Variants in CCDC102B observed in about 807,000 individuals in gnomAD.
The protein encoded by CCDC102B is coiled-coil domain containing 102B.
CCDC102B carries 75 observed loss-of-function variants against 57.4 expected under a neutral mutation model. The ratio of observed to expected loss-of-function variants is 1.31; its 90% CI spans 1.08 to 1.58. The LOEUF is 1.58. CCDC102B is among the 40% of genes most tolerant of loss of function. CCDC102B has a pLI of 0.00. For synonymous variants in CCDC102B, 206 were observed against 201.9 expected (o/e 1.02, Z -0.17); for missense variants, 636 against 582.6 (o/e 1.09, Z -0.94).
intron 6 of CCDC102B, among the ~76,000 whole-genome samples, chr18:68,954,799 A>G (rs9956947): frequency 0.042 from 6,450 of 152,226 alleles, 290 homozygotes; most frequent in African/African-American, 0.11. Context: ...CTTTTTCCTT[A>G]ATGCCTGAAC....
chr18:69,036,042 G>T (rs771072895), intron 7 of CCDC102B, among the ~76,000 whole-genome samples: 24 of 152,172 alleles, frequency 1.6e-4, no homozygotes, highest in Non-Finnish European at 2.6e-4. Context: ...TCCATGGCAG[G>T]AGTTGGTCCT....
chr18:68,856,114 A>G (rs1246387861), intron 4 of CCDC102B, among the ~76,000 whole-genome samples: 1 of 152,176 alleles, frequency 6.6e-6, no homozygotes. Context: ...AAGTTAAATC[A>G]CATACTTTAA....
intron 2 of CCDC102B, among the ~76,000 whole-genome samples, chr18:68,792,675 C>T (rs1428055782): frequency 6.6e-6 from 1 of 152,176 alleles, no homozygotes; most frequent in Non-Finnish European, 1.5e-5. Context: ...CATACTTGAA[C>T]CGAGGCTTAG....
intron 7 of CCDC102B, among the ~76,000 whole-genome samples, chr18:69,019,518 TG>T (rs897150586): frequency 3.9e-5 from 6 of 152,046 alleles, no homozygotes; most frequent in Non-Finnish European, 7.4e-5. Context: ...TTTAATTTCT[TG>T]TTCAGATAGT....
chr18:68,791,247 A>C (rs1463182140), intron 2 of CCDC102B, among the ~76,000 whole-genome samples: 2 of 152,198 alleles, frequency 1.3e-5, no homozygotes, highest in African/African-American at 4.8e-5. Context: ...ATGTTGTAAA[A>C]TTAATGTTTT....
chr18:68,836,735 C>G lies in CCDC102B; in HGVS notation c.-15-14C>G. 8.9e-6 allele frequency: 14 copies of G among 1,575,434 alleles called. No individual in the cohort carries two copies. Among genetic ancestry groups the G allele is most frequent in the Non-Finnish European group, 1.2e-5 (14 of 1,161,358 alleles). On this transcript the variant is annotated splice_polypyrimidine_tract_variant and intron_variant, in intron 1 of 7. Transcript: ENST00000360242. ...AAATTTCAGCGTGAAATTATGGTCT[C>G]TATCTTTTCTCAGGTCTTAAAAATA...
intron 6 of CCDC102B, among the ~76,000 whole-genome samples, chr18:68,961,123 GT>G (rs1236276813): frequency 6.6e-5 from 10 of 151,896 alleles, no homozygotes; most frequent in African/African-American, 2.4e-4. Flanking sequence ...GATTTGTTTA[GT>G]TTTTATTGAA....
intron 5 of CCDC102B, 162 bp downstream of exon 5, chr18:68,874,947 GA>G: frequency 2.0e-6 from 1 of 493,768 alleles, no homozygotes; most frequent in Non-Finnish European, 3.7e-6. Flanking sequence ...AAAGGCTGTG[GA>G]ATGACATTGG....
intron 6 of CCDC102B, among the ~76,000 whole-genome samples, chr18:68,977,427 C>T (rs1424568231): frequency 1.3e-5 from 2 of 151,804 alleles, no homozygotes; most frequent in African/African-American, 4.8e-5. Context: ...TCCCCCATGC[C>T]CTGACAGGCC....
intron 6 of CCDC102B, among the ~76,000 whole-genome samples, chr18:68,922,031 G>A (rs1197744385): frequency 6.6e-6 from 1 of 152,062 alleles, no homozygotes; most frequent in Non-Finnish European, 1.5e-5. Context: ...ATTATCAACA[G>A]AATTCTGATC....
intron 1 of CCDC102B, among the ~76,000 whole-genome samples, chr18:68,804,669 A>G (rs1030377121): frequency 3.3e-5 from 5 of 152,130 alleles, no homozygotes; most frequent in African/African-American, 1.2e-4. Context: ...CAAGTAAAAC[A>G]GGAATTTCAG....
intron 6 of CCDC102B, among the ~76,000 whole-genome samples, chr18:68,967,116 G>T (rs2050183820): frequency 6.6e-6 from 1 of 152,068 alleles, no homozygotes; most frequent in Admixed American, 6.6e-5. Flanking sequence ...CCCAAACCAG[G>T]TTTACTTCTG....
intron 6 of CCDC102B, among the ~76,000 whole-genome samples, chr18:68,991,202 A>G (rs1205200043): frequency 6.9e-6 from 1 of 145,712 alleles, no homozygotes; most frequent in African/African-American, 2.5e-5. Context: ...ATACATGTCC[A>G]TTTATTTTCT....
chr18:68,877,845 A>G (rs12965651), intron 5 of CCDC102B, among the ~76,000 whole-genome samples: 41,128 of 152,136 alleles, frequency 0.27, 6,518 homozygotes, highest in Non-Finnish European at 0.36. Flanking sequence ...CATAAAAAGG[A>G]AAGGAAAGGG....
chr18:68,775,387 T>G (rs2034776773), intron 2 of CCDC102B, among the ~76,000 whole-genome samples: 1 of 152,140 alleles, frequency 6.6e-6, no homozygotes, highest in African/African-American at 2.4e-5. Context: ...GTGTTTGATT[T>G]AGATAAGATC....
chr18:69,011,863 A>T (rs1327677928), intron 7 of CCDC102B, among the ~76,000 whole-genome samples: 1 of 152,198 alleles, frequency 6.6e-6, no homozygotes, highest in Non-Finnish European at 1.5e-5. Context: ...ACAGTTGGAA[A>T]TAAAAAAATA....
chr18:68,902,005 G>C (rs2040471716), intron 6 of CCDC102B, among the ~76,000 whole-genome samples: 1 of 152,146 alleles, frequency 6.6e-6, no homozygotes, highest in African/African-American at 2.4e-5. Context: ...CTTCTATGAG[G>C]CTTCCAGGTG....
chr18:68,951,679 A>G lies in CCDC102B; in HGVS notation c.1263+54251A>G, dbSNP rs538616009. Among the ~76,000 whole-genome samples, 14 of 152,026 alleles carry G rather than the reference A, an allele frequency of 9.2e-5. No individual in the cohort carries two copies. In the East Asian group the frequency reaches 2.1e-3, roughly 23 times the overall value. Reference sequence around the variant, plus strand: ...AAAAATTAGCTGGGTGTGGTGTCACACATCTTTAATCTCAGCTGCTCGGGA... The same window carrying G: ...AAAAATTAGCTGGGTGTGGTGTCACGCATCTTTAATCTCAGCTGCTCGGGA... On this transcript the variant is annotated intron_variant, in intron 6 of 7. Transcript: ENST00000360242.
intron 2 of CCDC102B, among the ~76,000 whole-genome samples, chr18:68,767,198 A>G (rs150283916): frequency 2.8e-4 from 43 of 152,296 alleles, no homozygotes; most frequent in Admixed American, 1.4e-3. Context: ...CATTTCTTGT[A>G]GTGTTATGGA....
Sources: allele counts gnomAD v4.1 joint callset (sites outside exome capture counted in the v4.1 genomes callset), GRCh38; gene constraint gnomAD v4.1.1; transcripts MANE v1.5; gene names NCBI Gene and HGNC (gene_info 2026-07-23, HGNC 2026-07-21).